The following PHLDB2 variants were observed in gnomAD, a reference collection of about 807,000 sequenced individuals.
The protein encoded by PHLDB2 is pleckstrin homology like domain family B member 2.
PHLDB2 carries 71 observed loss-of-function variants against 123.6 expected under a neutral mutation model. The observed-to-expected ratio is 0.57, with a 90% confidence interval of 0.47 to 0.70. The LOEUF (loss-of-function observed/expected upper bound fraction) is 0.70, where lower values mean the gene tolerates loss of function less well. Among genes scored for constraint, PHLDB2 ranks in the 30% least tolerant of loss-of-function variants. The pLI, the probability that PHLDB2 is intolerant of heterozygous loss-of-function variation, is 0.00. For missense variants in PHLDB2, 1,446 were observed against 1,519.5 expected (o/e 0.95, Z 0.80); for synonymous variants, 547 against 541.6 (o/e 1.01, Z -0.14).
chr3:111,761,893 T>G (rs1478868215), intron 1 of PHLDB2, among the ~76,000 whole-genome samples: 1 of 152,052 alleles, frequency 6.6e-6, no homozygotes, highest in Non-Finnish European at 1.5e-5. Context: ...GCATACAAAT[T>G]TATTTAATGT....
intron 1 of PHLDB2, among the ~76,000 whole-genome samples, chr3:111,863,483 T>A (rs2064931637): frequency 6.6e-6 from 1 of 152,190 alleles, no homozygotes; most frequent in Non-Finnish European, 1.5e-5. Context: ...GGATATCTAA[T>A]ATAAATTCAA....
chr3:111,796,925 C>T (rs1358171519), intron 1 of PHLDB2, among the ~76,000 whole-genome samples: 2 of 152,192 alleles, frequency 1.3e-5, no homozygotes. Flanking sequence ...TATAAGCCTT[C>T]TAGTGTTATT....
At chr3:111,937,181 A>G (rs564176278) in intron 6 of PHLDB2, among the ~76,000 whole-genome samples, 25 of 152,334 alleles carry the variant, frequency 1.6e-4, no homozygotes, top group African/African-American at 6.0e-4. Flanking sequence ...CTAATTACTC[A>G]GTAGCTAATA....
intron 1 of PHLDB2, among the ~76,000 whole-genome samples, chr3:111,821,376 G>A (rs1054469320): frequency 3.3e-5 from 5 of 152,196 alleles, no homozygotes; most frequent in African/African-American, 1.2e-4. Flanking sequence ...GGGAGAGACA[G>A]ACAGAGAGAG....
In PHLDB2 at chr3:111,973,715, C is replaced by T. The variant is rs2072369644; in HGVS notation, c.3536-17C>T. 4 of 1,495,024 alleles carry T rather than the reference C, an allele frequency of 2.7e-6. No homozygotes were observed. Among genetic ancestry groups the T allele is most frequent in the South Asian group, 2.4e-5 (2 of 84,058 alleles). The allele number at this position is 1,495,024 out of a possible 1,614,324, so 92.6% of individuals were successfully genotyped here. On this transcript the variant is annotated splice_polypyrimidine_tract_variant and intron_variant, in intron 16 of 17. Coordinates refer to ENST00000431670, the MANE Select transcript of PHLDB2 (RefSeq NM_001134438.2). ...CTCAGTGGCGATAAAGTATTTAACA[C>T]TTATCTGTCTTTGCAGACAAGCATG...
intron 1 of PHLDB2, among the ~76,000 whole-genome samples, chr3:111,761,133 T>C (rs2059985996): frequency 7.1e-6 from 1 of 141,608 alleles, no homozygotes; most frequent in Admixed American, 7.6e-5. Flanking sequence ...TGCAGTGAGC[T>C]AAGGTGGCAC....
At chr3:111,747,602 G>T (rs1418690927) in intron 1 of PHLDB2, among the ~76,000 whole-genome samples, 1 of 152,000 alleles carries the variant, frequency 6.6e-6, no homozygotes, top group African/African-American at 2.4e-5. Flanking sequence ...CATATTCATT[G>T]TTCTTCCCAC....
intron 1 of PHLDB2, among the ~76,000 whole-genome samples, chr3:111,772,143 G>A (rs1394838187): frequency 1.3e-5 from 2 of 152,048 alleles, no homozygotes; most frequent in East Asian, 3.9e-4. Flanking sequence ...TACTTGAACT[G>A]TGAACTTTCA....
chr3:111,822,400 G>A (rs1020751266), intron 1 of PHLDB2, among the ~76,000 whole-genome samples: 29 of 151,482 alleles, frequency 1.9e-4, no homozygotes, highest in African/African-American at 7.0e-4. Context: ...AAAATGAAAG[G>A]CAGGTGTAGA....
At chr3:111,822,793 C>A (rs9842341) in intron 1 of PHLDB2, among the ~76,000 whole-genome samples, 23,445 of 152,032 alleles carry the variant, frequency 0.15, 2,142 homozygotes, top group Non-Finnish European at 0.19. Context: ...CAGAACTTTT[C>A]TTTCCTTTAT....
intron 1 of PHLDB2, among the ~76,000 whole-genome samples, chr3:111,828,151 T>C (rs2062756456): frequency 6.6e-6 from 1 of 152,192 alleles, no homozygotes; most frequent in African/African-American, 2.4e-5. Flanking sequence ...AGAACCAGTG[T>C]ATTTCCCAAA....
chr3:111,852,960 G>A (rs2064325192), intron 2 of PHLDB2, among the ~76,000 whole-genome samples: 1 of 152,092 alleles, frequency 6.6e-6, no homozygotes, highest in African/African-American at 2.4e-5. Context: ...CCAGCACATG[G>A]GGATAATCAT....
At chr3:111,938,688 C>T (rs36002857) in intron 6 of PHLDB2, among the ~76,000 whole-genome samples, 27,508 of 152,132 alleles carry the variant, frequency 0.18, 2,741 homozygotes, top group South Asian at 0.22. Context: ...CCCTATTAGA[C>T]ACCTCTGGTC....
chr3:111,850,226 A>G (rs2064191606), intron 2 of PHLDB2, among the ~76,000 whole-genome samples: 1 of 152,190 alleles, frequency 6.6e-6, no homozygotes, highest in Non-Finnish European at 1.5e-5. Context: ...GTTCTCACTT[A>G]TAAGTGGGAG....
intron 4 of PHLDB2, 43 bp from the exon 5 acceptor site, chr3:111,920,239 C>T (rs376177656): frequency 7.2e-5 from 114 of 1,593,852 alleles, no homozygotes; most frequent in Non-Finnish European, 8.6e-5. Context: ...TTGAGAATAT[C>T]CCCAAAGGTG....
At chr3:111,932,928 C>T (rs999459131) in intron 6 of PHLDB2, among the ~76,000 whole-genome samples, 1 of 152,214 alleles carries the variant, frequency 6.6e-6, no homozygotes, top group African/African-American at 2.4e-5. Flanking sequence ...ACCCAAGATG[C>T]AGGGCATTAC....
rs1057267254 is a variant in PHLDB2, at chr3:111,911,722, G to C, written c.1336-1597G>C. 2.0e-6 allele frequency: 3 copies of C among 1,535,958 alleles called. No homozygotes were observed. In the African/African-American group the frequency reaches 4.1e-5, roughly 21 times the overall value. On this transcript the variant is annotated intron_variant, in intron 2 of 17. Transcript: ENST00000431670. ...GTCCAGAAGTTCAGGCAGTGAAAGG[G>C]AGGTGCGAGCTTGTAGGAACTAGTT... is the stretch of plus-strand genomic sequence containing the variant.
intron 5 of PHLDB2, among the ~76,000 whole-genome samples, chr3:111,926,590 GTT>G (rs5851804): frequency 9.3e-4 from 136 of 146,896 alleles, no homozygotes; most frequent in Admixed American, 3.4e-3. Context: ...TGACTTTCTA[GTT>G]TTTTTTTTTT....
chr3:111,959,642 A>G (rs2071272463), intron 12 of PHLDB2, among the ~76,000 whole-genome samples: 1 of 152,162 alleles, frequency 6.6e-6, no homozygotes, highest in Non-Finnish European at 1.5e-5. Flanking sequence ...TTCTACATTC[A>G]CCTGAAACAT....
Sources: allele counts gnomAD v4.1 joint callset (sites outside exome capture counted in the v4.1 genomes callset), GRCh38; gene constraint gnomAD v4.1.1; transcripts MANE v1.5; gene names NCBI Gene and HGNC (gene_info 2026-07-23, HGNC 2026-07-21).